Variants in DMD observed in about 807,000 individuals in gnomAD.
DMD encodes mutant dystrophin.
Under a neutral mutation model 330.1 loss-of-function variants are expected in DMD, and 63 were observed. The ratio of observed to expected loss-of-function variants is 0.19; its 90% CI spans 0.16 to 0.24. DMD has a LOEUF of 0.24. Among genes scored for constraint, DMD ranks in the 10% least tolerant of loss-of-function variants. The pLI, the probability that DMD is intolerant of heterozygous loss-of-function variation, is 1.00. For synonymous variants in DMD, 1,223 were observed against 959.8 expected (o/e 1.27, Z -5.07); for missense variants, 3,344 against 2,684.1 (o/e 1.25, Z -5.43).
intron 7 of DMD, among the ~76,000 whole-genome samples, chrX:32,722,489 G>A (rs1056556994): frequency 1.2e-4 from 13 of 110,057 alleles, no homozygotes; most frequent in African/African-American, 4.3e-4. Flanking sequence ...GGTATCCACT[G>A]GCATCCTGGA....
intron 1 of DMD, among the ~76,000 whole-genome samples, chrX:33,275,393 G>A (rs1182668224): frequency 9.0e-6 from 1 of 111,712 alleles, no homozygotes; most frequent in East Asian, 2.8e-4. Context: ...CTGAAAAATG[G>A]GCAGAAAATG....
intron 2 of DMD, among the ~76,000 whole-genome samples, chrX:32,942,092 C>T (rs986773700): frequency 2.8e-4 from 24 of 85,691 alleles, no homozygotes; most frequent in Non-Finnish European, 6.4e-5. Flanking sequence ...CCATCCTATT[C>T]TCTTACCTTT....
rs758536485 is a variant in DMD at position 33,077,485 on chromosome X, C to T, written c.32-57285G>A. On this transcript the variant is annotated intron_variant, in intron 1 of 78. Coordinates refer to ENST00000357033, the MANE Select transcript of DMD (RefSeq NM_004006.3). ...ATAGGCTATAAAGATGGGAAAAGGC[C>T]GTCGATCGCTCTGGCTTCTTCCTGC... Among the ~76,000 whole-genome samples, 7 of 111,146 alleles carry T rather than the reference C, an allele frequency of 6.3e-5. No individual in the cohort carries two copies. In the South Asian group the frequency reaches 2.7e-3, roughly 43 times the overall value.
Position 32,755,697 on chromosome X carries a change from T to C in DMD, c.649+53796A>G, listed in dbSNP as rs182530637. The stretch of plus-strand genomic sequence containing the variant: ...AATAAAAATATCAATGGTTTGAATT[T>C]AATAACATGTTTTTTCCTTAGCACT... On this transcript the variant is annotated intron_variant, in intron 7 of 78. Transcript: ENST00000357033. Among the ~76,000 whole-genome samples the C allele has an allele frequency of 1.5e-3, 165 of 112,518 alleles. 1 individual carries two copies. Among genetic ancestry groups the C allele is most frequent in the African/African-American group, 5.0e-3 (156 of 31,074 alleles).
At chrX:31,805,565 T>C (rs1282077409) in intron 50 of DMD, among the ~76,000 whole-genome samples, 1 of 112,071 alleles carries the variant, frequency 8.9e-6, no homozygotes, top group Non-Finnish European at 1.9e-5. Flanking sequence ...GATGCTGAGA[T>C]AGGAAAACGT....
At position 32,658,261 on chromosome X, in the gene DMD, C is replaced by G. The variant is rs1328390761; in HGVS notation, c.961-13109G>C. Among the ~76,000 whole-genome samples, 4 of 111,165 alleles carry G rather than the reference C, an allele frequency of 3.6e-5. 1 individual carries two copies. The East Asian group carries it at 1.1e-3, about 31-fold the overall frequency. On this transcript the variant is annotated intron_variant, in intron 9 of 78. Coordinates refer to ENST00000357033, the MANE Select transcript of DMD (RefSeq NM_004006.3). ...TAGAAGTTAGCACAAGAGATGTCCC[C>G]AAAATATAGAAACTTATCTACACTT...
chrX:33,189,658 G>T (rs910108295), intron 1 of DMD, among the ~76,000 whole-genome samples: 3 of 111,064 alleles, frequency 2.7e-5, no homozygotes, highest in African/African-American at 9.8e-5. Flanking sequence ...GGAGCCTTTG[G>T]CTAAAGGGTT....
At chrX:31,242,262 C>CAAAAAA (rs72176984) in intron 63 of DMD, among the ~76,000 whole-genome samples, 378 of 24,647 alleles carry the variant, frequency 0.015, 62 homozygotes, top group Non-Finnish European at 0.026. Flanking sequence ...TCTCAAAAAG[C>CAAAAAA]AAAAAAAAAA....
Position 32,585,739 on chromosome X carries a change from T to C in DMD, c.1602+10018A>G, listed in dbSNP as rs774820238. Among the ~76,000 whole-genome samples, 6 of 92,626 alleles carry C rather than the reference T, an allele frequency of 6.5e-5. 1 individual carries two copies. In the South Asian group the frequency reaches 2.9e-3, roughly 46 times the overall value. 80.4% of individuals were successfully genotyped at this position (92,626 alleles called of 115,157 possible). On this transcript the variant is annotated intron_variant, in intron 13 of 78. Transcript: ENST00000357033. The stretch of plus-strand genomic sequence containing the variant: ...AAAAAAAAAAAAAAAAAGAATATTA[T>C]TGTTCCAGCATACTTGCTTATATTT...
chrX:33,062,760 C>T (rs148450564), intron 1 of DMD, among the ~76,000 whole-genome samples: 3,925 of 112,629 alleles, frequency 0.035, 74 homozygotes, highest in Middle Eastern at 0.14. Flanking sequence ...AACAGGCGTG[C>T]GCCATTGAGC....
At chrX:33,083,437 G>A (rs775775212) in intron 1 of DMD, among the ~76,000 whole-genome samples, 4 of 111,540 alleles carry the variant, frequency 3.6e-5, no homozygotes, top group Non-Finnish European at 7.5e-5. Flanking sequence ...ACACCAGGTG[G>A]GGACGGATGA....
At chrX:32,289,562 C>T (rs1246781642) in intron 42 of DMD, among the ~76,000 whole-genome samples, 1 of 111,064 alleles carries the variant, frequency 9.0e-6, no homozygotes, top group Non-Finnish European at 1.9e-5. Flanking sequence ...ATACGGGTCA[C>T]AAAGACCTTG....
At chrX:31,448,823 ATGT>A (rs1463924690) in intron 59 of DMD, among the ~76,000 whole-genome samples, 1 of 112,214 alleles carries the variant, frequency 8.9e-6, no homozygotes, top group African/African-American at 3.2e-5. Context: ...AGTTCATTAA[ATGT>A]TGTCTGATTA....
intron 45 of DMD, among the ~76,000 whole-genome samples, chrX:31,936,271 G>T (rs1382822345): frequency 9.0e-6 from 1 of 111,175 alleles, no homozygotes; most frequent in African/African-American, 3.3e-5. Flanking sequence ...TTAACAATGG[G>T]AATCCTAAGG....
chrX:32,146,651 C>T (rs1190141356), intron 44 of DMD, among the ~76,000 whole-genome samples: 1 of 112,025 alleles, frequency 8.9e-6, no homozygotes, highest in Non-Finnish European at 1.9e-5. Context: ...TGGTATTTGG[C>T]TCTTAAAGAA....
intron 44 of DMD, among the ~76,000 whole-genome samples, chrX:32,201,481 C>T (rs550495577): frequency 1.1e-4 from 11 of 95,895 alleles, no homozygotes; most frequent in Non-Finnish European, 4.3e-5. Flanking sequence ...CCCCCCCCCC[C>T]CCAACAAGGA....
chrX:31,596,828 A>G (rs1169817824), intron 55 of DMD, among the ~76,000 whole-genome samples: 1 of 112,154 alleles, frequency 8.9e-6, no homozygotes, highest in South Asian at 3.7e-4. Flanking sequence ...CTAGAGCCCT[A>G]CTACTCAAAG....
chrX:31,274,383 G>A (rs2051920867), intron 62 of DMD, among the ~76,000 whole-genome samples: 1 of 111,949 alleles, frequency 8.9e-6, no homozygotes, highest in Non-Finnish European at 1.9e-5. Context: ...GCAGAAACCT[G>A]GAGTAGTCAG....
intron 9 of DMD, among the ~76,000 whole-genome samples, chrX:32,657,531 G>A (rs2060660481): frequency 9.0e-6 from 1 of 111,725 alleles, no homozygotes; most frequent in African/African-American, 3.2e-5. Context: ...TCACACCTAT[G>A]AGGTGTGGGA....
Sources: gnomAD v4.1 joint callset for allele counts (sites outside exome capture counted in the v4.1 genomes callset) on GRCh38, gnomAD v4.1.1 for gene constraint, MANE v1.5 for transcripts, NCBI Gene and HGNC (gene_info 2026-07-23, HGNC 2026-07-21) for gene names.